DMRT1: variants seen among roughly 807,000 people sequenced by gnomAD.
The protein encoded by DMRT1 is doublesex and mab-3 related transcription factor 1, also known as doublesex- and mab-3-related transcription factor 1.
A neutral mutation model predicts 32.3 loss-of-function variants in DMRT1; 7 were observed. That is an observed-to-expected ratio of 0.22 (90% confidence interval 0.12 to 0.41). The LOEUF (loss-of-function observed/expected upper bound fraction) is 0.41. Among genes scored for constraint, DMRT1 ranks in the 10% least tolerant of loss-of-function variants. DMRT1 has a pLI of 1.00. For synonymous variants in DMRT1, 278 were observed against 206.1 expected, an observed-to-expected ratio of 1.35 and a Z score of -2.99; for missense variants, 625 against 500.5, an observed-to-expected ratio of 1.25 and a Z score of -2.37.
At chr9:851,117 A>G (rs1303162982) in intron 2 of DMRT1, among the ~76,000 whole-genome samples, 2 of 151,922 alleles carry the variant, frequency 1.3e-5, no homozygotes, top group Non-Finnish European at 2.9e-5. Flanking sequence ...AGGAGTTGTC[A>G]TGGAATAGTA....
intron 4 of DMRT1, among the ~76,000 whole-genome samples, chr9:929,711 CCT>C (rs573022678): frequency 5.1e-4 from 78 of 152,130 alleles, no homozygotes; most frequent in African/African-American, 1.9e-3. Flanking sequence ...CCGTTGTCCC[CCT>C]GTTTGTGCCA....
intron 4 of DMRT1, among the ~76,000 whole-genome samples, chr9:964,685 A>G (rs1315629587): frequency 1.3e-5 from 2 of 152,106 alleles, no homozygotes; most frequent in Non-Finnish European, 2.9e-5. Context: ...CCCCAAGCAC[A>G]AGAGCAGTAC....
intron 1 of DMRT1, among the ~76,000 whole-genome samples, chr9:843,317 C>G (rs144426507): frequency 6.6e-6 from 1 of 152,220 alleles, no homozygotes; most frequent in African/African-American, 2.4e-5. Flanking sequence ...TTTCCCTGCG[C>G]GCCTGGGGCG....
intron 4 of DMRT1, among the ~76,000 whole-genome samples, chr9:961,045 T>C (rs1025326122): frequency 6.6e-6 from 1 of 152,122 alleles, no homozygotes; most frequent in Admixed American, 6.5e-5. Context: ...AGTGCTCTAC[T>C]GTATCCCCAA....
intron 2 of DMRT1, among the ~76,000 whole-genome samples, chr9:881,621 T>C (rs1231773450): frequency 2.0e-5 from 3 of 152,344 alleles, no homozygotes; most frequent in African/African-American, 4.8e-5. Flanking sequence ...TTGATTACAG[T>C]TGAGAGCAGA....
At chr9:860,296 C>CA (rs985230202) in intron 2 of DMRT1, among the ~76,000 whole-genome samples, 4 of 150,916 alleles carry the variant, frequency 2.7e-5, no homozygotes, top group African/African-American at 9.8e-5. Context: ...GACTCTGTCT[C>CA]AAAAAAAATT....
intron 3 of DMRT1, among the ~76,000 whole-genome samples, chr9:907,829 A>ATG (rs3084903): frequency 0.012 from 1,722 of 149,528 alleles, 23 homozygotes; most frequent in African/African-American, 0.034. Context: ...TAAAATATAT[A>ATG]TGTGTGTGTG....
intron 4 of DMRT1, among the ~76,000 whole-genome samples, chr9:963,577 G>C (rs75415735): frequency 6.6e-6 from 1 of 152,138 alleles, no homozygotes; most frequent in Non-Finnish European, 1.5e-5. Context: ...TGATAGATCA[G>C]GTGGAATAAA....
At chr9:962,380 A>G (rs1462986897) in intron 4 of DMRT1, among the ~76,000 whole-genome samples, 11 of 152,076 alleles carry the variant, frequency 7.2e-5, no homozygotes, top group Non-Finnish European at 1.5e-4. Context: ...AGGGGAGAGG[A>G]GGTACTTCAA....
At chr9:960,967 C>A (rs552642220) in intron 4 of DMRT1, among the ~76,000 whole-genome samples, 1 of 152,168 alleles carries the variant, frequency 6.6e-6, no homozygotes, top group African/African-American at 2.4e-5. Context: ...CCGGGCCACA[C>A]GTGTGGGTGA....
intron 2 of DMRT1, among the ~76,000 whole-genome samples, chr9:858,233 G>C (rs889958048): frequency 6.6e-6 from 1 of 152,184 alleles, no homozygotes; most frequent in Non-Finnish European, 1.5e-5. Flanking sequence ...AGTTCACAAA[G>C]ACTTTCAGAC....
At chr9:930,252 C>T (rs1818666968) in intron 4 of DMRT1, among the ~76,000 whole-genome samples, 1 of 151,986 alleles carries the variant, frequency 6.6e-6, no homozygotes, top group Non-Finnish European at 1.5e-5. Context: ...CTCTGCTACC[C>T]AGGCTAGAGT....
intron 2 of DMRT1, among the ~76,000 whole-genome samples, chr9:855,688 T>C (rs1204786395): frequency 6.6e-6 from 1 of 152,248 alleles, no homozygotes; most frequent in African/African-American, 2.4e-5. Context: ...GGTGCCATCT[T>C]GGCTCACTGC....
At chr9:948,191 G>GA (rs1819308774) in intron 4 of DMRT1, among the ~76,000 whole-genome samples, 1 of 152,190 alleles carries the variant, frequency 6.6e-6, no homozygotes, top group Admixed American at 6.5e-5. Flanking sequence ...CTGTGGGGTG[G>GA]AGCCTGCCTT....
At chr9:905,366 C>G (rs1212516701) in intron 3 of DMRT1, among the ~76,000 whole-genome samples, 1 of 151,988 alleles carries the variant, frequency 6.6e-6, no homozygotes, top group East Asian at 1.9e-4. Context: ...CTGGCAAGTC[C>G]CAGTTCTAGG....
chr9:892,170 C>T (rs565831043), intron 2 of DMRT1, among the ~76,000 whole-genome samples: 4 of 152,316 alleles, frequency 2.6e-5, no homozygotes, highest in Non-Finnish European at 5.9e-5. Context: ...TGCTTGATGT[C>T]CCAGCAGCAG....
At chr9:955,989 A>G (rs1011205620) in intron 4 of DMRT1, among the ~76,000 whole-genome samples, 6 of 152,240 alleles carry the variant, frequency 3.9e-5, no homozygotes, top group African/African-American at 1.4e-4. Context: ...ACCCATGTTC[A>G]TATCAGCGTT....
intron 2 of DMRT1, among the ~76,000 whole-genome samples, chr9:883,394 T>A (rs1011062144): frequency 6.6e-6 from 1 of 151,960 alleles, no homozygotes; most frequent in African/African-American, 2.4e-5. Flanking sequence ...ACTTTGAAGG[T>A]TGAGATGAAT....
intron 4 of DMRT1, among the ~76,000 whole-genome samples, chr9:927,782 G>T (rs1158874544): frequency 6.6e-6 from 1 of 152,158 alleles, no homozygotes; most frequent in Non-Finnish European, 1.5e-5. Context: ...TCTTTGGGGG[G>T]AACTAGAGTA....
Sources: gnomAD v4.1 joint callset for allele counts (sites outside exome capture counted in the v4.1 genomes callset) on GRCh38, gnomAD v4.1.1 for gene constraint, MANE v1.5 for transcripts, NCBI Gene and HGNC (gene_info 2026-07-23, HGNC 2026-07-21) for gene names.